Variants in WDR72 observed in about 807,000 individuals in gnomAD.
The protein encoded by WDR72 is WD repeat-containing protein 72.
In WDR72, 120 loss-of-function variants were observed where a neutral mutation model predicts 124.2. That is an observed-to-expected ratio of 0.97 (90% CI 0.83 to 1.12). The LOEUF is 1.12. WDR72 is among the 50% of genes most tolerant of loss of function. WDR72 has a pLI of 0.00. For synonymous variants in WDR72, 452 were observed against 441.7 expected (o/e 1.02, Z -0.29); for missense variants, 1,387 against 1,278.8 (o/e 1.08, Z -1.29).
chr15:53,522,239 C>CTGTT (rs1338894199), intron 19 of WDR72, among the ~76,000 whole-genome samples: 4 of 152,010 alleles, frequency 2.6e-5, no homozygotes, highest in African/African-American at 9.7e-5. Context: ...GATCAGGGGA[C>CTGTT]TGTTTGTTTG....
intron 13 of WDR72, among the ~76,000 whole-genome samples, chr15:53,677,919 A>T (rs2016233207): frequency 6.6e-6 from 1 of 152,224 alleles, no homozygotes; most frequent in African/African-American, 2.4e-5. Flanking sequence ...ACTGCAAAGA[A>T]ATGGAAGATC....
At chr15:53,691,147 T>C (rs888146847) in intron 13 of WDR72, among the ~76,000 whole-genome samples, 2 of 152,142 alleles carry the variant, frequency 1.3e-5, no homozygotes, top group African/African-American at 4.8e-5. Flanking sequence ...CCTCCCCAGC[T>C]CAAGTGATCC....
In WDR72 at chr15:53,721,300, T is replaced by C. The variant is rs1328224188; in HGVS notation, c.260+1502A>G. On this transcript the variant is annotated intron_variant, in intron 3 of 19. Coordinates refer to ENST00000360509, the MANE Select transcript of WDR72 (RefSeq NM_182758.4). The stretch of plus-strand genomic sequence containing the variant: ...CCCTAGTTTCTCTTTTGGAGTTAGA[T>C]CACTATGGGCAAAGATCTGAAGCTG... Among the ~76,000 whole-genome samples the C allele has an allele frequency of 3.9e-5, 6 of 152,196 alleles. No individual in the cohort carries two copies. In the East Asian group the frequency reaches 5.8e-4, roughly 15 times the overall value.
intron 18 of WDR72, among the ~76,000 whole-genome samples, chr15:53,547,289 C>G (rs572794659): frequency 1.8e-4 from 27 of 152,194 alleles, no homozygotes; most frequent in African/African-American, 6.3e-4. Context: ...TGTGCCACCA[C>G]GCCTGGCTAA....
Position 53,682,539 on chromosome 15 carries a change from C to T in WDR72, c.1766-16771G>A, listed in dbSNP as rs192690183. ...ATTTTTTTTTCCCACCATCTCTTCA[C>T]GGATGCATAAAACTGAATGTTTTCA... On this transcript the variant is annotated intron_variant, in intron 13 of 19. Transcript: ENST00000360509. Among the ~76,000 whole-genome samples, 174 of 152,126 alleles carry T rather than the reference C, an allele frequency of 1.1e-3. 1 individual carries two copies. The highest frequency in any genetic ancestry group is 4.0e-3 in the African/African-American group (167 of 41,480).
At chr15:53,688,413 C>T (rs1214118970) in intron 13 of WDR72, among the ~76,000 whole-genome samples, 1 of 149,498 alleles carries the variant, frequency 6.7e-6, no homozygotes, top group African/African-American at 2.5e-5. Flanking sequence ...TTCTTATACA[C>T]CAACAACAGA....
chr15:53,529,191 TA>T (rs1649182604), intron 18 of WDR72, among the ~76,000 whole-genome samples: 1 of 138,914 alleles, frequency 7.2e-6, no homozygotes, highest in South Asian at 2.2e-4. Flanking sequence ...TAAAAGAATA[TA>T]AAAAATTTCA....
At chr15:53,586,332 A>C (rs1367516125) in intron 18 of WDR72, among the ~76,000 whole-genome samples, 1 of 152,050 alleles carries the variant, frequency 6.6e-6, no homozygotes, top group Non-Finnish European at 1.5e-5. Flanking sequence ...GGACTATTGG[A>C]CTTTAAGGAT....
intron 18 of WDR72, among the ~76,000 whole-genome samples, chr15:53,529,164 A>ATAT (rs59003623): frequency 8.1e-4 from 63 of 78,158 alleles, no homozygotes; most frequent in Middle Eastern, 6.9e-3. Context: ...ATATATATAT[A>ATAT]TTTTTTTTTT....
intron 15 of WDR72, 83 bp from the exon 16 acceptor site, chr15:53,613,840 A>T: frequency 1.1e-6 from 1 of 878,964 alleles, no homozygotes; most frequent in Admixed American, 1.9e-5. Context: ...TGGGTACATG[A>T]CCACTTTAGC....
At position 53,534,176 on chromosome 15, in the gene WDR72, T is replaced by C. The variant is rs150242244; in HGVS notation, c.3149-10854A>G. ...CAGACACCAGGAAATTTATAGATTA[T>C]ATGTTTGCTCCACTAACATGATGAG... On this transcript the variant is annotated intron_variant, in intron 18 of 19. Coordinates refer to ENST00000360509, the MANE Select transcript of WDR72 (RefSeq NM_182758.4). Among the ~76,000 whole-genome samples, 835 of 152,272 alleles carry C rather than the reference T, an allele frequency of 5.5e-3. 22 individuals carry two copies. The highest frequency in any genetic ancestry group is 0.041 in the Admixed American group (629 of 15,290).
intron 17 of WDR72, among the ~76,000 whole-genome samples, chr15:53,603,163 G>T (rs12439700): frequency 6.6e-6 from 1 of 151,662 alleles, no homozygotes; most frequent in Non-Finnish European, 1.5e-5. Flanking sequence ...TTGATCCCTG[G>T]GATGCAAGTT....
At chr15:53,695,934 G>A (rs74018720) in intron 13 of WDR72, among the ~76,000 whole-genome samples, 4,117 of 152,182 alleles carry the variant, frequency 0.027, 98 homozygotes, top group East Asian at 0.069. Flanking sequence ...GGTGGCACAG[G>A]GACTTATGCT....
chr15:53,647,700 T>C (rs1330074862), intron 14 of WDR72, among the ~76,000 whole-genome samples: 3 of 152,124 alleles, frequency 2.0e-5, no homozygotes, highest in Non-Finnish European at 2.9e-5. Context: ...CCCAGGTTGG[T>C]ACATTGAGTG....
Position 53,581,949 on chromosome 15 carries a change from T to C in WDR72, c.3148+15130A>G, listed in dbSNP as rs531261461. On this transcript the variant is annotated intron_variant, in intron 18 of 19. Coordinates refer to ENST00000360509, the MANE Select transcript of WDR72 (RefSeq NM_182758.4). Reference sequence around the variant, plus strand: ...TTTAAAATTTTATAATTATGGCTTGTGAATTTGAGAAGACGAGGATTGGGC... The same window carrying C: ...TTTAAAATTTTATAATTATGGCTTGCGAATTTGAGAAGACGAGGATTGGGC... Among the ~76,000 whole-genome samples, 174 of 152,080 alleles carry C rather than the reference T, an allele frequency of 1.1e-3. 1 individual carries two copies. The highest frequency in any genetic ancestry group is 2.1e-3 in the Non-Finnish European group (140 of 67,938).
At chr15:53,681,500 C>G (rs2140480162) in intron 13 of WDR72, among the ~76,000 whole-genome samples, 1 of 152,166 alleles carries the variant, frequency 6.6e-6, no homozygotes, top group South Asian at 2.1e-4. Context: ...ACTACTCAGC[C>G]AGAACTCAAT....
chr15:53,761,333 A>G (rs946626523), upstream of WDR72, among the ~76,000 whole-genome samples: 3 of 152,180 alleles, frequency 2.0e-5, no homozygotes, highest in Admixed American at 6.5e-5. Flanking sequence ...GCTGGCAAGG[A>G]TGTGGAGAGA....
Position 53,699,771 on chromosome 15 carries a change from A to C in WDR72, c.1744T>G (p.Tyr582Asp). Residue 582 changes from tyrosine (Y) to aspartate (D), a missense_variant, in exon 13 of 20, where the codon TAT (tyrosine) becomes GAT (aspartate). Tyr to Asp is a radical substitution (Grantham distance 160, BLOSUM62 -3). Coordinates refer to ENST00000360509, the MANE Select transcript of WDR72 (RefSeq NM_182758.4). Reference protein sequence around the residue: ...LIVGCADDSVYIWEIETGTLE... With the variant: ...LIVGCADDSVDIWEIETGTLE... The stretch of plus-strand genomic sequence containing the variant: ...TTACCTGTTTCAATTTCCCAGATAT[A>C]AACTGAGTCATCTGCACATCCAACA... 1 of 1,614,196 alleles carries C rather than the reference A, an allele frequency of 6.2e-7. No individual in the cohort carries two copies. The highest frequency in any genetic ancestry group is 8.5e-7 in the Non-Finnish European group (1 of 1,180,030).
intron 13 of WDR72, among the ~76,000 whole-genome samples, chr15:53,667,905 A>T (rs2015835018): frequency 6.6e-6 from 1 of 152,202 alleles, no homozygotes. Flanking sequence ...AAAACAGTTT[A>T]TCTACAAACT....
Sources: allele counts gnomAD v4.1 joint callset (sites outside exome capture counted in the v4.1 genomes callset), GRCh38; gene constraint gnomAD v4.1.1; transcripts MANE v1.5; gene names NCBI Gene and HGNC (gene_info 2026-07-23, HGNC 2026-07-21).